Variants in TRIM9 observed in about 807,000 individuals in gnomAD.
TRIM9 encodes tripartite motif containing 9.
A neutral mutation model predicts 78.3 loss-of-function variants in TRIM9; 26 were observed. The observed-to-expected ratio is 0.33, with a 90% CI of 0.24 to 0.46. TRIM9 has a LOEUF of 0.46. TRIM9 is among the 20% of genes least tolerant of loss of function. The pLI is 1.00. For missense variants in TRIM9, 787 were observed against 1,036.4 expected, an observed-to-expected ratio of 0.76 and a Z score of 3.30; for synonymous variants, 398 against 416.5, an observed-to-expected ratio of 0.96 and a Z score of 0.54.
At chr14:51,046,062 T>A (rs1332249337) in intron 1 of TRIM9, among the ~76,000 whole-genome samples, 1 of 150,790 alleles carries the variant, frequency 6.6e-6, no homozygotes, top group Non-Finnish European at 1.5e-5. Flanking sequence ...CAAATTGCAA[T>A]ACGATAGAGA....
intron 1 of TRIM9, among the ~76,000 whole-genome samples, chr14:51,059,036 G>A (rs75962961): frequency 6.8e-4 from 103 of 152,320 alleles, no homozygotes; most frequent in Admixed American, 9.8e-4. Flanking sequence ...GGCCTGTAAA[G>A]GAAGAGCTAA....
chr14:51,022,240 G>A (rs530653179), intron 3 of TRIM9, among the ~76,000 whole-genome samples: 12 of 152,194 alleles, frequency 7.9e-5, no homozygotes, highest in African/African-American at 2.7e-4. Flanking sequence ...CTGCCTTCAT[G>A]AATGGACGAA....
chr14:51,053,509 C>CTTT (rs201980160), intron 1 of TRIM9, among the ~76,000 whole-genome samples: 23 of 113,786 alleles, frequency 2.0e-4, no homozygotes, highest in African/African-American at 7.9e-4. Context: ...AACAGGTATT[C>CTTT]TTTTTTTTTT....
chr14:51,030,524 C>T (rs1043809128), intron 1 of TRIM9, among the ~76,000 whole-genome samples: 1 of 152,020 alleles, frequency 6.6e-6, no homozygotes, highest in Non-Finnish European at 1.5e-5. Context: ...GTAGCTGGGC[C>T]TGGGAATGGA....
At chr14:50,980,995 CAG>C (rs1334646742) in intron 11 of TRIM9, among the ~76,000 whole-genome samples, 1 of 142,604 alleles carries the variant, frequency 7.0e-6, no homozygotes. Context: ...TTTTTTTTTT[CAG>C]AGACACTAAT....
chr14:51,027,300 C>T (rs879353483), intron 1 of TRIM9, among the ~76,000 whole-genome samples: 1 of 151,922 alleles, frequency 6.6e-6, no homozygotes, highest in Non-Finnish European at 1.5e-5. Context: ...TGCACCACCA[C>T]ACCGAGTGAA....
chr14:51,016,305 C>T (rs748425562), intron 3 of TRIM9, among the ~76,000 whole-genome samples: 6 of 152,042 alleles, frequency 3.9e-5, no homozygotes, highest in African/African-American at 9.7e-5. Context: ...AGGTGAGCGG[C>T]GGCCACCTCC....
intron 1 of TRIM9, among the ~76,000 whole-genome samples, chr14:51,087,369 A>G (rs546901529): frequency 6.6e-6 from 1 of 152,212 alleles, no homozygotes; most frequent in East Asian, 1.9e-4. Context: ...AACAAAAGTG[A>G]AATGATGTCA....
intron 1 of TRIM9, among the ~76,000 whole-genome samples, chr14:51,069,059 TA>T (rs2061988434): frequency 6.6e-6 from 1 of 152,118 alleles, no homozygotes; most frequent in Non-Finnish European, 1.5e-5. Flanking sequence ...TGAAAGGACA[TA>T]GGGGACTATG....
chr14:51,036,696 C>G (rs1007462123), intron 1 of TRIM9, among the ~76,000 whole-genome samples: 3 of 152,092 alleles, frequency 2.0e-5, no homozygotes, highest in Non-Finnish European at 4.4e-5. Flanking sequence ...TATTTTCGAT[C>G]CAGTGTTGGT....
intron 5 of TRIM9, among the ~76,000 whole-genome samples, chr14:51,004,857 G>A (rs1566568173): frequency 6.6e-6 from 1 of 152,114 alleles, no homozygotes; most frequent in Non-Finnish European, 1.5e-5. Context: ...AGGAAAGTCT[G>A]CACGTCTAAT....
chr14:51,077,584 G>A (rs1283291921), intron 1 of TRIM9, among the ~76,000 whole-genome samples: 1 of 151,872 alleles, frequency 6.6e-6, no homozygotes, highest in African/African-American at 2.4e-5. Flanking sequence ...ACTAGAGATG[G>A]GGTTTCGCCA....
chr14:51,014,420 T>A (rs1596174258), intron 3 of TRIM9, among the ~76,000 whole-genome samples: 1 of 152,204 alleles, frequency 6.6e-6, no homozygotes, highest in East Asian at 1.9e-4. Context: ...TCCCTCACTC[T>A]CGCTACAGTT....
At chr14:50,997,409 G>A (rs1332310487) in intron 7 of TRIM9, 1 of 985,322 alleles carries the variant, frequency 1.0e-6, no homozygotes, top group Non-Finnish European at 1.2e-6. Flanking sequence ...GATGAAAATG[G>A]CGGGTAATGC....
intron 3 of TRIM9, among the ~76,000 whole-genome samples, chr14:51,010,944 C>T (rs1298273911): frequency 6.6e-6 from 1 of 152,156 alleles, no homozygotes. Context: ...GAGCAGACAT[C>T]ACCATCTGAA....
chr14:51,077,938 G>A (rs2062950640), intron 1 of TRIM9, among the ~76,000 whole-genome samples: 2 of 152,238 alleles, frequency 1.3e-5, no homozygotes, highest in Non-Finnish European at 2.9e-5. Context: ...GCATATAAAA[G>A]CGTTTTGGTT....
chr14:51,058,538 C>A (rs1269887074), intron 1 of TRIM9, among the ~76,000 whole-genome samples: 1 of 152,154 alleles, frequency 6.6e-6, no homozygotes, highest in East Asian at 1.9e-4. Flanking sequence ...GTGGGACATG[C>A]ATCCTCCAGG....
In TRIM9 at chr14:51,063,221, T is replaced by C. The variant is rs545712820; in HGVS notation, c.822+30897A>G. Among the ~76,000 whole-genome samples, 31 of 152,238 alleles carry C rather than the reference T, an allele frequency of 2.0e-4. No individual in the cohort carries two copies. The Middle Eastern group carries it at 0.01, about 50-fold the overall frequency. On this transcript the variant is annotated intron_variant, in intron 1 of 12. Coordinates refer to ENST00000684578, the MANE Select transcript of TRIM9 (RefSeq NM_001387360.1). The stretch of plus-strand genomic sequence containing the variant: ...AAAGTATATTTATAATAAGCATCAA[T>C]TTAATGGGCTTAACAATATACTGGA...
chr14:50,981,891 C>G lies in TRIM9; in HGVS notation c.2071G>C (p.Asp691His). The change falls in exon 11 of 13, where the codon GAT becomes CAT. Residue 691 changes from aspartate to histidine, a missense_variant. Transcript: ENST00000684578. ...TTGTCGTCTTTTCCTAACATCACATCCTTCATCACGTCCATGCGAGCCACA... is the reference window on the plus strand; with the variant it reads ...TTGTCGTCTTTTCCTAACATCACATGCTTCATCACGTCCATGCGAGCCACA... ...FGVARMDVMKDVMLGKDDKAW... is the reference protein window; with the variant it reads ...FGVARMDVMKHVMLGKDDKAW... 6.2e-7 allele frequency: 1 copy of G among 1,614,180 alleles called. No individual in the cohort carries two copies. Among genetic ancestry groups the G allele is most frequent in the South Asian group, 1.1e-5 (1 of 91,078 alleles).
Sources: allele counts gnomAD v4.1 joint callset (sites outside exome capture counted in the v4.1 genomes callset), GRCh38; gene constraint gnomAD v4.1.1; transcripts MANE v1.5; gene names NCBI Gene and HGNC (gene_info 2026-07-23, HGNC 2026-07-21).